Variants in FANCL observed in about 807,000 individuals in gnomAD.
FANCL encodes E3 ubiquitin-protein ligase FANCL.
In FANCL, 69 loss-of-function variants were observed where a neutral mutation model predicts 59.4. The ratio of observed to expected loss-of-function variants is 1.16; its 90% CI spans 0.96 to 1.42. FANCL has a LOEUF of 1.42. Ranked by LOEUF, FANCL falls within the 40% of genes most tolerant of loss-of-function variation. FANCL has a pLI of 0.00. For synonymous variants in FANCL, 180 were observed against 147.1 expected (o/e 1.22, Z -1.62); for missense variants, 519 against 447.2 (o/e 1.16, Z -1.45).
chr2:58,236,399 A>G (rs1008220267), intron 1 of FANCL, among the ~76,000 whole-genome samples: 1 of 151,874 alleles, frequency 6.6e-6, no homozygotes, highest in Admixed American at 6.6e-5. Context: ...TGGAATCCTA[A>G]TATTACGTTA....
intron 5 of FANCL, among the ~76,000 whole-genome samples, chr2:58,221,182 G>T (rs978352938): frequency 3.3e-5 from 5 of 151,068 alleles, no homozygotes; most frequent in African/African-American, 1.2e-4. Context: ...AGCGAGACTC[G>T]GTCTCAAAAA....
At chr2:58,193,459 C>G (rs1309738574) in intron 7 of FANCL, among the ~76,000 whole-genome samples, 2 of 151,982 alleles carry the variant, frequency 1.3e-5, no homozygotes, top group African/African-American at 4.8e-5. Context: ...AAAAGAAAGG[C>G]AGCTGATAGG....
At chr2:58,189,945 T>C (rs1688764584) in intron 7 of FANCL, among the ~76,000 whole-genome samples, 1 of 151,998 alleles carries the variant, frequency 6.6e-6, no homozygotes, top group Admixed American at 6.6e-5. Flanking sequence ...TCTTTATCTT[T>C]GGGGGATTCC....
intron 1 of FANCL, among the ~76,000 whole-genome samples, chr2:58,232,705 A>T (rs1693694112): frequency 6.6e-6 from 1 of 151,996 alleles, no homozygotes; most frequent in Non-Finnish European, 1.5e-5. Context: ...ATATATTTGA[A>T]CAAACAGAAT....
intron 7 of FANCL, among the ~76,000 whole-genome samples, chr2:58,174,648 G>A (rs1161647807): frequency 3.9e-5 from 6 of 152,048 alleles, no homozygotes; most frequent in Non-Finnish European, 8.8e-5. Context: ...AGTGTGTAGA[G>A]GGAAATTTAT....
intron 5 of FANCL, among the ~76,000 whole-genome samples, chr2:58,205,930 A>C (rs541304666): frequency 6.6e-6 from 1 of 152,288 alleles, no homozygotes; most frequent in Admixed American, 6.5e-5. Flanking sequence ...TTTCAGTTAA[A>C]AATATTTATG....
At chr2:58,216,057 T>C (rs1691688267) in intron 5 of FANCL, among the ~76,000 whole-genome samples, 1 of 152,148 alleles carries the variant, frequency 6.6e-6, no homozygotes, top group South Asian at 2.1e-4. Flanking sequence ...GATAGAGCTT[T>C]GTCAAAAATG....
At chr2:58,170,501 CATA>C (rs1686468970) in intron 7 of FANCL, among the ~76,000 whole-genome samples, 1 of 152,214 alleles carries the variant, frequency 6.6e-6, no homozygotes, top group African/African-American at 2.4e-5. Context: ...CAGCTAGCAT[CATA>C]ATGACAGGAT....
In FANCL at chr2:58,204,181, T is replaced by C. The variant is rs1573699668; in HGVS notation, c.420A>G (p.Ala140=). ...AATGCTCTCTACCAGAAGCATCTTC[T>C]GCTTTTAACTTGATGGTACTGAAGC... ...DTCFSTIKLK[A]EDASGREHLI... The change falls in exon 6 of 14, where the codon GCA becomes GCG. Residue 140 remains alanine, a synonymous_variant. Coordinates refer to ENST00000233741, the MANE Select transcript of FANCL (RefSeq NM_018062.4). The C allele has an allele frequency of 1.2e-6, 2 of 1,613,426 alleles. No homozygotes were observed.
chr2:58,230,784 G>A (rs753449397), intron 2 of FANCL, among the ~76,000 whole-genome samples: 6 of 152,050 alleles, frequency 3.9e-5, no homozygotes, highest in Non-Finnish European at 7.4e-5. Context: ...TACCAACTTG[G>A]TGACTTCAAT....
intron 5 of FANCL, chr2:58,213,506 C>T (rs1281043944): frequency 1.3e-5 from 2 of 152,190 alleles, no homozygotes; most frequent in Non-Finnish European, 2.9e-5. Flanking sequence ...CACTTCTCTT[C>T]TGCTAAAACA....
At chr2:58,199,365 A>C (rs1689767226) in intron 6 of FANCL, among the ~76,000 whole-genome samples, 1 of 152,194 alleles carries the variant, frequency 6.6e-6, no homozygotes, top group African/African-American at 2.4e-5. Context: ...AAATAGCATC[A>C]GTCACTATTT....
chr2:58,211,806 C>T (rs976922708), intron 5 of FANCL, among the ~76,000 whole-genome samples: 1 of 152,266 alleles, frequency 6.6e-6, no homozygotes, highest in South Asian at 2.1e-4. Context: ...ACAAGAGTAA[C>T]CTTTGCTCCA....
Position 58,234,984 on chromosome 2 carries a change from CA to C in FANCL, c.97-2873del, listed in dbSNP as rs1220664605. ...ACAGTGATCCTTGAAATAAGGGAAA[CA>C]AATGTGAAAATGCCTAAAATTGTCT... On this transcript the variant is annotated intron_variant, in intron 1 of 13. Coordinates refer to ENST00000233741, the MANE Select transcript of FANCL (RefSeq NM_018062.4). Among the ~76,000 whole-genome samples the C allele has an allele frequency of 2.0e-5, 3 of 151,798 alleles. No individual in the cohort carries two copies. The South Asian group carries it at 6.2e-4, about 32-fold the overall frequency.
At chr2:58,197,244 C>T (rs898178096) in intron 7 of FANCL, among the ~76,000 whole-genome samples, 1 of 151,282 alleles carries the variant, frequency 6.6e-6, no homozygotes, top group Non-Finnish European at 1.5e-5. Context: ...CTTGACAAGA[C>T]TATTTAAATC....
intron 7 of FANCL, among the ~76,000 whole-genome samples, chr2:58,196,810 T>C (rs1689472637): frequency 6.6e-6 from 1 of 151,908 alleles, no homozygotes; most frequent in Non-Finnish European, 1.5e-5. Flanking sequence ...AACCTTGGAA[T>C]TGTGATAAAT....
At chr2:58,213,898 G>A (rs1311506450) in intron 5 of FANCL, among the ~76,000 whole-genome samples, 1 of 152,100 alleles carries the variant, frequency 6.6e-6, no homozygotes, top group African/African-American at 2.4e-5. Context: ...CTCAATGTGT[G>A]ACTATCTCCA....
In FANCL at chr2:58,204,178, T is replaced by C; in HGVS notation, c.423A>G (p.Glu141=). 6.2e-7 allele frequency: 1 copy of C among 1,613,374 alleles called. No individual in the cohort carries two copies. Among genetic ancestry groups the C allele is most frequent in the Non-Finnish European group, 8.5e-7 (1 of 1,179,412 alleles). Residue 141 remains glutamate (E), a synonymous_variant, in exon 6 of 14, where the codon GAA becomes GAG. Coordinates refer to ENST00000233741, the MANE Select transcript of FANCL (RefSeq NM_018062.4). The part of the protein sequence containing the change: ...TCFSTIKLKA[E]DASGREHLIT... Reference sequence around the variant, plus strand: ...TTAAATGCTCTCTACCAGAAGCATCTTCTGCTTTTAACTTGATGGTACTGA... The same window carrying C: ...TTAAATGCTCTCTACCAGAAGCATCCTCTGCTTTTAACTTGATGGTACTGA...
chr2:58,198,102 T>C (rs1689620577), intron 7 of FANCL, among the ~76,000 whole-genome samples: 1 of 151,768 alleles, frequency 6.6e-6, no homozygotes, highest in Non-Finnish European at 1.5e-5. Context: ...TGTTTGTGTG[T>C]GCATGTAGAG....
Sources: allele counts gnomAD v4.1 joint callset (sites outside exome capture counted in the v4.1 genomes callset), GRCh38; gene constraint gnomAD v4.1.1; transcripts MANE v1.5; gene names NCBI Gene and HGNC (gene_info 2026-07-23, HGNC 2026-07-21).